MAD1L1: variants seen among roughly 807,000 people sequenced by gnomAD.
MAD1L1 encodes the protein mitotic spindle assembly checkpoint protein MAD1.
In MAD1L1, 95 loss-of-function variants were observed where a neutral mutation model predicts 96.9. That is an observed-to-expected ratio of 0.98 (90% CI 0.83 to 1.16). The LOEUF (loss-of-function observed/expected upper bound fraction) is 1.16. Among genes scored for constraint, MAD1L1 ranks in the 50% most tolerant of loss-of-function variants. The pLI, the probability that MAD1L1 is intolerant of heterozygous loss-of-function variation, is 0.00. For missense variants in MAD1L1, 1,007 were observed against 954.4 expected, an observed-to-expected ratio of 1.06 and a Z score of -0.73; for synonymous variants, 473 against 396.6, an observed-to-expected ratio of 1.19 and a Z score of -2.29.
At chr7:2,030,629 T>C (rs58828592) in intron 12 of MAD1L1, among the ~76,000 whole-genome samples, 11,542 of 152,044 alleles carry the variant, frequency 0.076, 1,411 homozygotes, top group African/African-American at 0.26. Context: ...TTGACGAAAA[T>C]GCCTCCAAAA....
In MAD1L1 at chr7:1,898,298, A is replaced by G; in HGVS notation, c.1900T>C (p.Tyr634His). Residue 634 changes from tyrosine (Y) to histidine (H), a missense_variant, in exon 18 of 19, where the codon TAC becomes CAC. Transcript: ENST00000265854. Reference protein sequence around the residue: ...TKIQEFRKACYTLTGYQIDIT... With the variant: ...TKIQEFRKACHTLTGYQIDIT... ...TCGATCTGGTAGCCGGTGAGCGTGT[A>G]GCAGGCCTTGCGGAACTCCTGGATC... is the stretch of plus-strand genomic sequence containing the variant. 1 of 1,614,112 alleles carries G rather than the reference A, an allele frequency of 6.2e-7. No individual in the cohort carries two copies. Among genetic ancestry groups the G allele is most frequent in the Non-Finnish European group, 8.5e-7 (1 of 1,180,030 alleles).
chr7:2,219,979 G>A (rs1425088309), intron 5 of MAD1L1, among the ~76,000 whole-genome samples: 1 of 151,994 alleles, frequency 6.6e-6, no homozygotes, highest in African/African-American at 2.4e-5. Context: ...AGTGCCCCAC[G>A]CTCCCAAAGT....
chr7:2,216,644 AT>A (rs1254390928), intron 7 of MAD1L1, among the ~76,000 whole-genome samples: 1 of 152,302 alleles, frequency 6.6e-6, no homozygotes, highest in East Asian at 1.9e-4. Context: ...AGGCAGGTTC[AT>A]CACCGTCACA....
intron 15 of MAD1L1, among the ~76,000 whole-genome samples, 162 bp downstream of exon 15, chr7:1,980,291 C>T (rs1217449386): frequency 1.3e-5 from 2 of 152,064 alleles, no homozygotes; most frequent in Admixed American, 6.5e-5. Context: ...TGAGCACGTC[C>T]GCCTCTTCCT....
intron 12 of MAD1L1, among the ~76,000 whole-genome samples, chr7:2,065,983 T>C (rs1784860783): frequency 6.6e-6 from 1 of 152,266 alleles, no homozygotes; most frequent in African/African-American, 2.4e-5. Flanking sequence ...GGAAAATGGT[T>C]TGTGTTCACC....
At chr7:2,151,936 C>A (rs1789592231) in intron 10 of MAD1L1, among the ~76,000 whole-genome samples, 1 of 152,206 alleles carries the variant, frequency 6.6e-6, no homozygotes, top group South Asian at 2.1e-4. Flanking sequence ...CCTGAGTACT[C>A]TGGAGCCCCG....
chr7:1,944,387 G>A (rs1779134802), intron 16 of MAD1L1, among the ~76,000 whole-genome samples: 1 of 152,208 alleles, frequency 6.6e-6, no homozygotes, highest in Admixed American at 6.5e-5. Flanking sequence ...CAATAGAGCT[G>A]TTAGAAATGG....
At chr7:2,177,860 G>T (rs558653256) in intron 10 of MAD1L1, among the ~76,000 whole-genome samples, 3 of 152,224 alleles carry the variant, frequency 2.0e-5, no homozygotes, top group African/African-American at 7.2e-5. Flanking sequence ...CTCTGGAGAA[G>T]GACTGCAGCC....
chr7:2,102,304 C>CCACCATCACTATCACCACCGCTACCGT (rs1584324630), intron 11 of MAD1L1, among the ~76,000 whole-genome samples: 3 of 77,132 alleles, frequency 3.9e-5, no homozygotes, highest in South Asian at 9.8e-4. Flanking sequence ...GTCACCATCA[C>CCACCATCACTATCACCACCGCTACCGT]CACCGTCACC....
At chr7:1,971,712 C>T (rs991770353) in intron 15 of MAD1L1, among the ~76,000 whole-genome samples, 1 of 152,044 alleles carries the variant, frequency 6.6e-6, no homozygotes, top group African/African-American at 2.4e-5. Context: ...GAAGGCACAG[C>T]ATCAAATAGC....
chr7:1,915,350 G>A (rs930984251), intron 17 of MAD1L1, among the ~76,000 whole-genome samples: 4 of 152,186 alleles, frequency 2.6e-5, no homozygotes, highest in Non-Finnish European at 4.4e-5. Flanking sequence ...CCGAAAAGGC[G>A]TCCTGGCAGC....
Position 2,157,943 on chromosome 7 carries a change from G to A in MAD1L1, c.987-8705C>T, listed in dbSNP as rs143374276. On this transcript the variant is annotated intron_variant, in intron 10 of 18. Transcript: ENST00000265854. Reference sequence around the variant, plus strand: ...TTATTACGGCCTAAGAATAACTCCCGACAGTCCATTCTGAAACCCGCACTT... The same window carrying A: ...TTATTACGGCCTAAGAATAACTCCCAACAGTCCATTCTGAAACCCGCACTT... Among the ~76,000 whole-genome samples the A allele has an allele frequency of 2.3e-3, 346 of 152,208 alleles. 3 individuals are homozygous for A. Among genetic ancestry groups the A allele is most frequent in the African/African-American group, 7.4e-3 (308 of 41,518 alleles).
At chr7:2,024,424 T>A (rs1348345371) in intron 12 of MAD1L1, among the ~76,000 whole-genome samples, 1 of 152,224 alleles carries the variant, frequency 6.6e-6, no homozygotes, top group Non-Finnish European at 1.5e-5. Flanking sequence ...AGCTGCATAC[T>A]TCCCCTGTGG....
chr7:1,984,836 T>A (rs1367451329), intron 14 of MAD1L1, among the ~76,000 whole-genome samples: 2 of 152,270 alleles, frequency 1.3e-5, no homozygotes, highest in Non-Finnish European at 2.9e-5. Flanking sequence ...ATGCTTTCGA[T>A]TTTGTAGCTT....
rs1781931266 is a variant in MAD1L1 at position 1,818,246 on chromosome 7, GGGCTGGCAACCT to G, written c.1999-2030_1999-2019del. 2.0e-5 allele frequency among the ~76,000 whole-genome samples: 3 copies of G among 152,228 alleles called. No homozygotes were observed. The South Asian group carries it at 6.2e-4, about 32-fold the overall frequency. On this transcript the variant is annotated intron_variant, in intron 18 of 18. Coordinates refer to ENST00000265854, the MANE Select transcript of MAD1L1 (RefSeq NM_001013836.2). Reference sequence around the variant, plus strand: ...GGCCCTTCGCCCTCCTCCCAACCCAGGGCTGGCAACCTGGCTGGGCCTGACGCACTGTGGTGC... The same window carrying G: ...GGCCCTTCGCCCTCCTCCCAACCCAGGGCTGGGCCTGACGCACTGTGGTGC...
At chr7:2,123,401 G>A (rs1319732881) in intron 11 of MAD1L1, among the ~76,000 whole-genome samples, 1 of 152,046 alleles carries the variant, frequency 6.6e-6, no homozygotes, top group African/African-American at 2.4e-5. Context: ...AGGGCTCCCA[G>A]CAAGCGAAAC....
chr7:1,957,004 G>A (rs1583912420), intron 16 of MAD1L1, among the ~76,000 whole-genome samples: 1 of 152,350 alleles, frequency 6.6e-6, no homozygotes, highest in South Asian at 2.1e-4. Flanking sequence ...ACGTTCAGCA[G>A]CTCTGACGCA....
At chr7:1,876,252 G>T (rs1269414793) in intron 18 of MAD1L1, among the ~76,000 whole-genome samples, 2 of 152,290 alleles carry the variant, frequency 1.3e-5, no homozygotes, top group South Asian at 2.1e-4. Flanking sequence ...CATTGGTCAT[G>T]TTAAACCAGC....
At chr7:1,937,071 A>T (rs1437148598) in intron 16 of MAD1L1, among the ~76,000 whole-genome samples, 174 bp from the exon 17 acceptor site, 1 of 152,294 alleles carries the variant, frequency 6.6e-6, no homozygotes, top group East Asian at 1.9e-4. Context: ...TCCTGGAAGG[A>T]GTGGCTCCTT....
Sources: gnomAD v4.1 joint callset for allele counts (sites outside exome capture counted in the v4.1 genomes callset) on GRCh38, gnomAD v4.1.1 for gene constraint, MANE v1.5 for transcripts, NCBI Gene and HGNC (gene_info 2026-07-23, HGNC 2026-07-21) for gene names.